Variants in DMD observed in about 807,000 individuals in gnomAD.
DMD encodes mutant dystrophin.
In DMD, 63 loss-of-function variants were observed where a neutral mutation model predicts 330.1. The observed-to-expected ratio is 0.19, with a 90% CI of 0.16 to 0.24. DMD has a LOEUF of 0.24. DMD is among the 10% of genes least tolerant of loss of function. DMD has a pLI of 1.00. For synonymous variants in DMD, 1,223 were observed against 959.8 expected, an observed-to-expected ratio of 1.27 and a Z score of -5.07; for missense variants, 3,344 against 2,684.1, an observed-to-expected ratio of 1.25 and a Z score of -5.43.
At chrX:32,512,702 A>G (rs1485139660) in intron 18 of DMD, among the ~76,000 whole-genome samples, 1 of 112,654 alleles carries the variant, frequency 8.9e-6, no homozygotes, top group East Asian at 2.8e-4. Flanking sequence ...CACTCTTCAG[A>G]CAAAGACCAC....
chrX:32,244,780 T>A (rs2097225600), intron 43 of DMD, among the ~76,000 whole-genome samples: 1 of 78,816 alleles, frequency 1.3e-5, no homozygotes, highest in Non-Finnish European at 2.4e-5. Flanking sequence ...TGTCTGTTCA[T>A]GTCCTTCGCT....
chrX:32,418,085 T>C (rs763614545), intron 29 of DMD, among the ~76,000 whole-genome samples: 37 of 111,507 alleles, frequency 3.3e-4, no homozygotes, highest in African/African-American at 1.0e-3. Flanking sequence ...AAATTAAATA[T>C]GACATTGAGA....
At chrX:32,020,773 A>G (rs1385709916) in intron 44 of DMD, among the ~76,000 whole-genome samples, 2 of 112,592 alleles carry the variant, frequency 1.8e-5, no homozygotes, top group African/African-American at 3.2e-5. Flanking sequence ...ATTTTTATAT[A>G]CAAACAAAAG....
intron 50 of DMD, among the ~76,000 whole-genome samples, chrX:31,797,574 A>G (rs887535257): frequency 9.8e-5 from 11 of 112,260 alleles, no homozygotes; most frequent in Non-Finnish European, 1.9e-4. Context: ...GTTAGGTAAA[A>G]TGTGCATAAA....
intron 42 of DMD, among the ~76,000 whole-genome samples, chrX:32,297,235 T>TTTTTTTTA (rs755707494): frequency 8.2e-5 from 8 of 97,168 alleles, no homozygotes; most frequent in African/African-American, 2.7e-4. Context: ...GACAGTCATA[T>TTTTTTTTA]TTTATTTATT....
intron 27 of DMD, among the ~76,000 whole-genome samples, chrX:32,447,980 A>G (rs2098312636): frequency 9.0e-6 from 1 of 110,972 alleles, no homozygotes. Flanking sequence ...CTAACAAAGA[A>G]CTCTATGGGG....
chrX:33,011,758 A>G (rs16990821), intron 2 of DMD, among the ~76,000 whole-genome samples: 5,964 of 111,569 alleles, frequency 0.053, 416 homozygotes, highest in African/African-American at 0.18. Flanking sequence ...CAGAGTGTCA[A>G]TTGTTCTTTT....
intron 39 of DMD, among the ~76,000 whole-genome samples, chrX:32,343,618 T>C (rs2097754869): frequency 9.0e-6 from 1 of 111,319 alleles, no homozygotes; most frequent in Admixed American, 9.6e-5. Context: ...ACGAATACAA[T>C]TGACTTAACT....
At chrX:31,165,541 A>G (rs1053934742) in intron 74 of DMD, among the ~76,000 whole-genome samples, 2 of 111,974 alleles carry the variant, frequency 1.8e-5, no homozygotes, top group African/African-American at 6.5e-5. Flanking sequence ...CTTGAATTTC[A>G]GAGCAAGTCT....
At chrX:33,051,646 ATTTTTTT>A (rs754035822) in intron 1 of DMD, among the ~76,000 whole-genome samples, 4 of 71,925 alleles carry the variant, frequency 5.6e-5, no homozygotes, top group Non-Finnish European at 7.3e-5. Context: ...ATTACGCTCT[ATTTTTTT>A]TTTTTTTTTT....
intron 2 of DMD, among the ~76,000 whole-genome samples, chrX:32,948,813 G>A (rs1195257486): frequency 9.0e-6 from 1 of 111,675 alleles, no homozygotes; most frequent in Non-Finnish European, 1.9e-5. Context: ...GTTAAGCAGA[G>A]CAATAATATT....
chrX:33,221,867 A>G (rs2052186692), intron 1 of DMD, among the ~76,000 whole-genome samples: 1 of 111,231 alleles, frequency 9.0e-6, no homozygotes, highest in Non-Finnish European at 1.9e-5. Context: ...TGGCTATTTA[A>G]TAGTAATTTG....
chrX:32,658,275 T>G (rs1438244466), intron 9 of DMD, among the ~76,000 whole-genome samples: 1 of 111,134 alleles, frequency 9.0e-6, no homozygotes, highest in Non-Finnish European at 1.9e-5. Context: ...ATATAGAAAC[T>G]TATCTACACT....
chrX:32,553,640 T>A (rs1426433512), intron 16 of DMD, among the ~76,000 whole-genome samples: 2 of 112,137 alleles, frequency 1.8e-5, no homozygotes, highest in Non-Finnish European at 3.8e-5. Context: ...ACTGAAATGT[T>A]GTTATGCAGC....
At chrX:33,089,134 C>T (rs1041673775) in intron 1 of DMD, among the ~76,000 whole-genome samples, 1 of 101,209 alleles carries the variant, frequency 9.9e-6, no homozygotes, top group Non-Finnish European at 2.0e-5. Context: ...GTCACGATCT[C>T]GGCTCACTGC....
intron 1 of DMD, among the ~76,000 whole-genome samples, chrX:33,177,511 A>G (rs2148724222): frequency 9.1e-6 from 1 of 110,437 alleles, no homozygotes; most frequent in Admixed American, 9.6e-5. Context: ...CAGCCTCCCT[A>G]GTAGCTGGGA....
At chrX:31,344,067 C>T (rs2057944282) in intron 61 of DMD, among the ~76,000 whole-genome samples, 1 of 105,441 alleles carries the variant, frequency 9.5e-6, no homozygotes, top group South Asian at 4.4e-4. Flanking sequence ...ATCACTGCAG[C>T]CTTGACCTCT....
At chrX:32,674,758 G>A (rs1181481753) in intron 9 of DMD, among the ~76,000 whole-genome samples, 2 of 111,159 alleles carry the variant, frequency 1.8e-5, no homozygotes, top group Non-Finnish European at 3.8e-5. Context: ...GCTGAGGGAA[G>A]CCGGTCTGTA....
At chrX:32,414,363 A>T (rs1019343811) in intron 29 of DMD, among the ~76,000 whole-genome samples, 3 of 112,189 alleles carry the variant, frequency 2.7e-5, no homozygotes, top group African/African-American at 9.7e-5. Flanking sequence ...ATCAAGTTAG[A>T]GCACGTAACA....
Sources: allele counts gnomAD v4.1 joint callset (sites outside exome capture counted in the v4.1 genomes callset), GRCh38; gene constraint gnomAD v4.1.1; transcripts MANE v1.5; gene names NCBI Gene and HGNC (gene_info 2026-07-23, HGNC 2026-07-21).